ZDHHC5: variants seen among roughly 807,000 people sequenced by gnomAD.
The protein encoded by ZDHHC5 is palmitoyltransferase ZDHHC5.
ZDHHC5 carries 22 observed loss-of-function variants against 70.0 expected under a neutral mutation model. The observed-to-expected ratio is 0.31, with a 90% CI of 0.22 to 0.45. The LOEUF is 0.45. Ranked by LOEUF, ZDHHC5 falls within the 20% of genes least tolerant of loss-of-function variation. ZDHHC5 has a pLI of 1.00. For synonymous variants in ZDHHC5, 313 were observed against 347.8 expected, an observed-to-expected ratio of 0.90 and a Z score of 1.11; for missense variants, 746 against 926.9, an observed-to-expected ratio of 0.80 and a Z score of 2.53.
intron 2 of ZDHHC5, among the ~76,000 whole-genome samples, chr11:57,682,163 T>TC (rs1289658768): frequency 3.3e-5 from 5 of 152,188 alleles, no homozygotes; most frequent in African/African-American, 1.2e-4. Flanking sequence ...TAGGAATGAA[T>TC]CTGAAGCACA....
Position 57,698,908 on chromosome 11 carries a change from C to G in ZDHHC5, c.1472C>G (p.Pro491Arg). 1 of 1,614,210 alleles carries G rather than the reference C, an allele frequency of 6.2e-7. No individual in the cohort carries two copies. The highest frequency in any genetic ancestry group is 8.5e-7 in the Non-Finnish European group (1 of 1,180,030). The change falls in exon 11 of 12, where the codon CCA becomes CGA. Residue 491 changes from proline (P) to arginine (R), a missense_variant. Coordinates refer to ENST00000287169, the MANE Select transcript of ZDHHC5 (RefSeq NM_015457.3). ...GAGTCAGTGCAGGCAGGGCCTGAGC[C>G]AGACCCACCTTTAGGCTATACCTCT... Reference protein sequence around the residue: ...DFESVQAGPEPDPPLGYTSPF... With the variant: ...DFESVQAGPERDPPLGYTSPF...
In ZDHHC5 at chr11:57,693,804, A is replaced by T; in HGVS notation, c.774A>T (p.Lys258Asn). The change falls in exon 8 of 12, where the codon AAA becomes AAT. Residue 258 changes from lysine to asparagine, a missense_variant. Lys to Asn is a moderately conservative substitution (Grantham distance 94). Transcript: ENST00000287169. ...TTAGGTATTTGGGGAGACCAAAGAA[A>T]GAGAAGACAATTGTAATCAGACCTC... ...PAPRYLGRPKKEKTIVIRPPF... is the reference protein window; with the variant it reads ...PAPRYLGRPKNEKTIVIRPPF... 1 of 1,577,530 alleles carries T rather than the reference A, an allele frequency of 6.3e-7. No homozygotes were observed. The highest frequency in any genetic ancestry group is 8.6e-7 in the Non-Finnish European group (1 of 1,161,952).
intron 11 of ZDHHC5, 81 bp from the exon 12 acceptor site, chr11:57,699,785 C>T (rs1171682712): frequency 1.5e-5 from 24 of 1,555,168 alleles, no homozygotes; most frequent in Non-Finnish European, 2.1e-5. Flanking sequence ...TCATTTTTTT[C>T]TCTGAACCTT....
chr11:57,692,352 A>G (rs573645558), intron 6 of ZDHHC5, among the ~76,000 whole-genome samples: 94 of 152,248 alleles, frequency 6.2e-4, no homozygotes, highest in African/African-American at 2.1e-3. Flanking sequence ...TTAGTTTTCA[A>G]TATTTAGAAA....
intron 1 of ZDHHC5, among the ~76,000 whole-genome samples, chr11:57,669,269 G>C (rs1945970697): frequency 6.6e-6 from 1 of 152,094 alleles, no homozygotes; most frequent in African/African-American, 2.4e-5. Flanking sequence ...CTATTGTACT[G>C]TTACACCGCT....
intron 2 of ZDHHC5, among the ~76,000 whole-genome samples, chr11:57,682,206 G>T (rs894955111): frequency 1.3e-5 from 2 of 152,222 alleles, no homozygotes; most frequent in Non-Finnish European, 2.9e-5. Flanking sequence ...AGATGGGAGA[G>T]ATTCTGAGTC....
chr11:57,681,769 C>T (rs1391822083), intron 2 of ZDHHC5: 1 of 152,192 alleles, frequency 6.6e-6, no homozygotes, highest in African/African-American at 2.4e-5. Flanking sequence ...TATCCTCCCC[C>T]ATTCCTGCTT....
rs1249813673 is a variant in ZDHHC5 at position 57,668,128 on chromosome 11, G to A, written c.-1130G>A. The A allele has an allele frequency of 1.6e-5, 6 of 371,578 alleles. No individual in the cohort carries two copies. The highest frequency in any genetic ancestry group is 8.4e-5 in the African/African-American group (4 of 47,484). The allele number at this position is 371,578 out of a possible 1,614,324, so 23.0% of individuals were successfully genotyped here. On this transcript the variant is annotated 5_prime_UTR_variant, in exon 1 of 12. Coordinates refer to ENST00000287169, the MANE Select transcript of ZDHHC5 (RefSeq NM_015457.3). ...GCGCGCTGCTTCTCTGAGGCAGGACGGCACTGCCGGGAGGCGGCGGTGACA... is the reference window on the plus strand; with the variant it reads ...GCGCGCTGCTTCTCTGAGGCAGGACAGCACTGCCGGGAGGCGGCGGTGACA...
chr11:57,669,844 C>A lies in ZDHHC5; in HGVS notation c.-1071+1657C>A, dbSNP rs1215090945. The stretch of plus-strand genomic sequence containing the variant: ...TGAACCATACTCACCCTTGTGGTTT[C>A]ATCCTAGTATCTGCAGCACATTCTT... On this transcript the variant is annotated intron_variant, in intron 1 of 11. Coordinates refer to ENST00000287169, the MANE Select transcript of ZDHHC5 (RefSeq NM_015457.3). Among the ~76,000 whole-genome samples the A allele has an allele frequency of 2.0e-5, 3 of 152,380 alleles. No homozygotes were observed. In the East Asian group the frequency reaches 5.8e-4, roughly 29 times the overall value.
intron 3 of ZDHHC5, 29 bp downstream of exon 3, chr11:57,682,572 C>T (rs1946162363): frequency 1.2e-6 from 2 of 1,606,460 alleles, no homozygotes; most frequent in Non-Finnish European, 1.7e-6. Flanking sequence ...TTAGAAGCAC[C>T]TTACACTGCC....
At position 57,699,917 on chromosome 11, in the gene ZDHHC5, G is replaced by T. The variant is rs760117283; in HGVS notation, c.2034G>T (p.Lys678Asn). The T allele has an allele frequency of 7.4e-6, 12 of 1,614,114 alleles. No homozygotes were observed. Among genetic ancestry groups the T allele is most frequent in the Non-Finnish European group, 1.0e-5 (12 of 1,180,054 alleles). The change falls in exon 12 of 12, where the codon AAG (lysine) becomes AAT (asparagine). Residue 678 changes from lysine (K) to asparagine (N), a missense_variant. Lys to Asn is a moderately conservative substitution (Grantham distance 94). Transcript: ENST00000287169. Reference sequence around the variant, plus strand: ...ACAGCAAATCCAACGGGCAGCCCAAGAGCTTAGGCTCAGCCTCCCCTGGCC... The same window carrying T: ...ACAGCAAATCCAACGGGCAGCCCAATAGCTTAGGCTCAGCCTCCCCTGGCC... ...TTYSKSNGQP[K>N]SLGSASPGPG...
rs969125169 is a variant in ZDHHC5 at position 57,695,934 on chromosome 11, G to A, written c.900G>A (p.Leu300=). The stretch of plus-strand genomic sequence containing the variant: ...CATCAATCCAGTCTAAGGGAAGCCT[G>A]GAGATAACAGAGAGCCAGTCTGCAG... ...ELRRTKSKGS[L]EITESQSADA... The change falls in exon 9 of 12, where the codon CTG becomes CTA. Residue 300 remains leucine (L), a synonymous_variant. Coordinates refer to ENST00000287169, the MANE Select transcript of ZDHHC5 (RefSeq NM_015457.3). The A allele has an allele frequency of 6.2e-7, 1 of 1,613,808 alleles. No homozygotes were observed. The highest frequency in any genetic ancestry group is 1.3e-5 in the African/African-American group (1 of 74,878).
chr11:57,679,894 C>T (rs762572873), intron 2 of ZDHHC5, among the ~76,000 whole-genome samples: 3 of 151,984 alleles, frequency 2.0e-5, no homozygotes, highest in Non-Finnish European at 4.4e-5. Context: ...CAAATATTGT[C>T]CATGAAGTTG....
intron 7 of ZDHHC5, 109 bp from the exon 8 acceptor site, chr11:57,693,672 CTT>C: frequency 7.0e-7 from 1 of 1,421,510 alleles, no homozygotes; most frequent in South Asian, 1.5e-5. Context: ...ACTGCAATTA[CTT>C]TTTTACCAAC....
Position 57,698,831 on chromosome 11 carries a change from T to C in ZDHHC5, c.1395T>C (p.Asn465=), listed in dbSNP as rs145419587. 1.9e-6 allele frequency: 3 copies of C among 1,614,172 alleles called. No homozygotes were observed. In the East Asian group the frequency reaches 6.7e-5, roughly 36 times the overall value. Residue 465 remains asparagine (N), a synonymous_variant, in exon 11 of 12, where the codon AAT becomes AAC. Transcript: ENST00000287169. ...AGAGCCTGGCCAACCAGACACGCAA[T>C]GGAAGCCTATCTTATGACAGCTTGC... ...SYKSLANQTR[N]GSLSYDSLLT...
intron 8 of ZDHHC5, 43 bp downstream of exon 8, chr11:57,693,958 C>T (rs763494402): frequency 1.3e-6 from 2 of 1,563,778 alleles, no homozygotes; most frequent in East Asian, 4.5e-5. Context: ...ATGGAAGTCT[C>T]ACCCAAGGCA....
Position 57,698,593 on chromosome 11 carries a change from C to T in ZDHHC5, c.1157C>T (p.Ser386Leu), listed in dbSNP as rs1455054410. Residue 386 changes from serine to leucine, a missense_variant, in exon 11 of 12, where the codon TCA becomes TTA. By Grantham distance (145) the Ser-to-Leu change is moderately radical. Coordinates refer to ENST00000287169, the MANE Select transcript of ZDHHC5 (RefSeq NM_015457.3). ...GGGGACAGCTTGAAGGAGCCAACCT[C>T]AATTGCAGAGAGCAGCCGTCACCCC... ...SRGDSLKEPT[S>L]IAESSRHPSY... is the part of the protein sequence containing the mutation. 6.2e-7 allele frequency: 1 copy of T among 1,612,284 alleles called. No individual in the cohort carries two copies. Among genetic ancestry groups the T allele is most frequent in the East Asian group, 2.2e-5 (1 of 44,888 alleles).
Position 57,699,976 on chromosome 11 carries a change from G to A in ZDHHC5, c.2093G>A (p.Gly698Glu). The A allele has an allele frequency of 6.2e-7, 1 of 1,613,228 alleles. No homozygotes were observed. Residue 698 changes from glycine to glutamate, a missense_variant, in exon 12 of 12, where the codon GGA becomes GAA. This residue lies in a region of ZDHHC5 where 340 missense variants were observed against 350.1 expected (regional missense o/e 0.97). Coordinates refer to ENST00000287169, the MANE Select transcript of ZDHHC5 (RefSeq NM_015457.3). ...GQPPLSSPTR[G>E]GVKKVSGVGG... The stretch of plus-strand genomic sequence containing the variant: ...CCACCTCTCAGTAGCCCCACGAGGG[G>A]AGGAGTCAAGAAGGTGTCAGGGGTT...
chr11:57,675,855 G>T (rs2135380154), intron 2 of ZDHHC5, among the ~76,000 whole-genome samples: 1 of 152,296 alleles, frequency 6.6e-6, no homozygotes, highest in Non-Finnish European at 1.5e-5. Flanking sequence ...GTTCCCTGGA[G>T]AATCCCCTGT....
Sources: gnomAD v4.1 joint callset for allele counts (sites outside exome capture counted in the v4.1 genomes callset) on GRCh38, gnomAD v4.1.1 for gene constraint, gnomAD v4.1.1 regional missense constraint, MANE v1.5 for transcripts, NCBI Gene and HGNC (gene_info 2026-07-23, HGNC 2026-07-21) for gene names.